The following SCFD2 variants were observed in gnomAD, a reference collection of about 807,000 sequenced individuals.
The protein encoded by SCFD2 is sec1 family domain containing 2, also known as sec1 family domain-containing protein 2.
In SCFD2, 54 loss-of-function variants were observed where a neutral mutation model predicts 58.9. The ratio of observed to expected loss-of-function variants is 0.92; its 90% CI spans 0.74 to 1.15. SCFD2 has a LOEUF of 1.15. Among genes scored for constraint, SCFD2 ranks in the 50% most tolerant of loss-of-function variants. SCFD2 has a pLI of 0.00. For missense variants in SCFD2, 805 were observed against 836.6 expected, an observed-to-expected ratio of 0.96 and a Z score of 0.47; for synonymous variants, 321 against 335.9, an observed-to-expected ratio of 0.96 and a Z score of 0.49.
chr4:53,222,912 T>C (rs1283632194), intron 4 of SCFD2, among the ~76,000 whole-genome samples: 6 of 152,218 alleles, frequency 3.9e-5, no homozygotes, highest in African/African-American at 7.2e-5. Flanking sequence ...TAGCAGATTC[T>C]ACAGAAACGT....
chr4:53,297,161 G>A (rs188646217), intron 3 of SCFD2, among the ~76,000 whole-genome samples: 1 of 152,090 alleles, frequency 6.6e-6, no homozygotes, highest in Non-Finnish European at 1.5e-5. Context: ...GGTCCGCTTG[G>A]TCTAGAGCTG....
intron 4 of SCFD2, among the ~76,000 whole-genome samples, chr4:53,253,654 C>A (rs1223662877): frequency 2.0e-5 from 3 of 148,204 alleles, no homozygotes; most frequent in Non-Finnish European, 3.0e-5. Flanking sequence ...AAACCAAACA[C>A]CACATGTTTT....
At chr4:53,251,701 T>G (rs1161787900) in intron 4 of SCFD2, among the ~76,000 whole-genome samples, 2 of 151,888 alleles carry the variant, frequency 1.3e-5, no homozygotes, top group Non-Finnish European at 2.9e-5. Flanking sequence ...TGCTAAAAAC[T>G]CTCAATAAAT....
intron 4 of SCFD2, among the ~76,000 whole-genome samples, chr4:53,153,232 A>G (rs1726565698): frequency 6.6e-6 from 1 of 152,118 alleles, no homozygotes; most frequent in Non-Finnish European, 1.5e-5. Flanking sequence ...CAGGGGCTCC[A>G]CCTCTTCAAC....
chr4:53,139,488 G>A (rs1425980603), intron 5 of SCFD2, among the ~76,000 whole-genome samples: 1 of 134,176 alleles, frequency 7.5e-6, no homozygotes, highest in Admixed American at 7.4e-5. Flanking sequence ...GTCTCTGACC[G>A]GCCGCCCAGT....
intron 5 of SCFD2, among the ~76,000 whole-genome samples, chr4:53,029,726 T>C (rs1722569143): frequency 6.6e-6 from 1 of 152,168 alleles, no homozygotes. Context: ...GGCAGTTCAA[T>C]GGGGAAAAAT....
chr4:53,253,480 A>G (rs867239682), intron 4 of SCFD2, among the ~76,000 whole-genome samples: 2 of 152,126 alleles, frequency 1.3e-5, no homozygotes, highest in South Asian at 4.1e-4. Flanking sequence ...CAAAGACTTG[A>G]AACCATCCCA....
At chr4:53,191,259 C>T (rs1017663481) in intron 4 of SCFD2, among the ~76,000 whole-genome samples, 1 of 151,840 alleles carries the variant, frequency 6.6e-6, no homozygotes, top group African/African-American at 2.4e-5. Flanking sequence ...CAGCTGAGAT[C>T]GTGCCACTGT....
Position 53,196,619 on chromosome 4 carries a change from A to G in SCFD2, c.1312-51037T>C, listed in dbSNP as rs374864544. On this transcript the variant is annotated intron_variant, in intron 4 of 8. Transcript: ENST00000401642. ...TTTGCAGGGAGATTTTACACAGTGG[A>G]TTACTGCTGACTTTAACAATGATTC... Among the ~76,000 whole-genome samples, 17 of 152,226 alleles carry G rather than the reference A, an allele frequency of 1.1e-4. No homozygotes were observed. In the East Asian group the frequency reaches 2.9e-3, roughly 26 times the overall value.
At chr4:53,003,051 C>T (rs1384889326) in intron 5 of SCFD2, among the ~76,000 whole-genome samples, 6 of 152,204 alleles carry the variant, frequency 3.9e-5, no homozygotes, top group Non-Finnish European at 8.8e-5. Context: ...AACCCATTCA[C>T]AAGAACTCTG....
chr4:53,127,558 T>C (rs188920967), intron 5 of SCFD2, among the ~76,000 whole-genome samples: 47 of 152,030 alleles, frequency 3.1e-4, no homozygotes, highest in African/African-American at 1.1e-3. Flanking sequence ...CGACACACAA[T>C]GGGGTTGTGA....
At chr4:52,956,061 C>A (rs1280550862) in intron 5 of SCFD2, 2 of 456,506 alleles carry the variant, frequency 4.4e-6, no homozygotes, top group Non-Finnish European at 8.8e-6. Context: ...TATGGGGGTC[C>A]CACTCTCCCT....
intron 1 of SCFD2, among the ~76,000 whole-genome samples, chr4:53,363,526 C>T (rs1414578998): frequency 6.6e-6 from 1 of 151,842 alleles, no homozygotes. Flanking sequence ...AAGTTATGCT[C>T]ACCTTATTTA....
chr4:53,065,552 C>G (rs1723639410), intron 5 of SCFD2, among the ~76,000 whole-genome samples: 1 of 152,024 alleles, frequency 6.6e-6, no homozygotes, highest in Non-Finnish European at 1.5e-5. Context: ...GTCATAAAGA[C>G]ATTAATTGTT....
At chr4:52,924,254 A>G (rs1258347272) in intron 5 of SCFD2, among the ~76,000 whole-genome samples, 2 of 152,196 alleles carry the variant, frequency 1.3e-5, no homozygotes, top group East Asian at 3.9e-4. Context: ...TTTACTTAAA[A>G]TCCTAGATTA....
intron 1 of SCFD2, among the ~76,000 whole-genome samples, chr4:53,359,791 A>G (rs1237602608): frequency 6.6e-6 from 1 of 152,226 alleles, no homozygotes; most frequent in Non-Finnish European, 1.5e-5. Context: ...TGTGAGCATC[A>G]TGACCATGTA....
intron 4 of SCFD2, among the ~76,000 whole-genome samples, chr4:53,251,518 C>T (rs1025929008): frequency 6.6e-6 from 1 of 152,092 alleles, no homozygotes; most frequent in African/African-American, 2.4e-5. Context: ...AGCAGCACAT[C>T]AAAAAGCTTA....
intron 5 of SCFD2, among the ~76,000 whole-genome samples, chr4:53,029,648 G>T (rs999934298): frequency 7.9e-5 from 12 of 152,118 alleles, no homozygotes; most frequent in African/African-American, 2.9e-4. Context: ...CTTAACTCTG[G>T]AACAGAATAC....
chr4:53,196,967 C>T (rs1194947529), intron 4 of SCFD2, among the ~76,000 whole-genome samples: 7 of 152,196 alleles, frequency 4.6e-5, no homozygotes, highest in African/African-American at 1.2e-4. Flanking sequence ...CAAAGCCACA[C>T]GGAAGATAGA....
Sources: gnomAD v4.1 joint callset for allele counts (sites outside exome capture counted in the v4.1 genomes callset) on GRCh38, gnomAD v4.1.1 for gene constraint, MANE v1.5 for transcripts, NCBI Gene and HGNC (gene_info 2026-07-23, HGNC 2026-07-21) for gene names.